ATP7A: variants seen among roughly 807,000 people sequenced by gnomAD.
ATP7A encodes the protein ATPase copper transporting alpha, also known as copper-transporting ATPase 1.
ATP7A carries 7 observed loss-of-function variants against 83.5 expected under a neutral mutation model. The observed-to-expected ratio is 0.08, with a 90% CI of 0.05 to 0.16. The LOEUF is 0.16. Among genes scored for constraint, ATP7A ranks in the 10% least tolerant of loss-of-function variants. The pLI, the probability that ATP7A is intolerant of heterozygous loss-of-function variation, is 1.00. For synonymous variants in ATP7A, 354 were observed against 395.2 expected (o/e 0.90, Z 1.24); for missense variants, 940 against 1,120.8 (o/e 0.84, Z 2.30).
At chrX:77,917,888 C>T (rs1557222699) in intron 1 of ATP7A, among the ~76,000 whole-genome samples, 4 of 111,643 alleles carry the variant, frequency 3.6e-5, no homozygotes. Flanking sequence ...TCAACTTGGT[C>T]AGAAGCTTAT....
At chrX:77,948,640 G>T (rs1473993769) in intron 1 of ATP7A, among the ~76,000 whole-genome samples, 3 of 111,282 alleles carry the variant, frequency 2.7e-5, no homozygotes, top group Non-Finnish European at 5.6e-5. Context: ...TGCAGCCATG[G>T]CTTTATAGGG....
intron 11 of ATP7A, 93 bp from the exon 12 acceptor site, chrX:78,015,661 G>T: frequency 9.0e-7 from 1 of 1,111,394 alleles, no homozygotes; most frequent in African/African-American, 1.8e-5. Flanking sequence ...TAATTATGGA[G>T]CCACAAGCTT....
rs17218310 is a variant in ATP7A, at chrX:78,045,620, A to G, written c.4226+48A>G. The G allele has an allele frequency of 0.022, 22,590 of 1,038,037 alleles. 221 individuals are homozygous for G. The highest frequency in any genetic ancestry group is 0.027 in the Non-Finnish European group (19,785 of 740,419). 85.5% of individuals were successfully genotyped at this position (1,038,037 alleles called of 1,213,427 possible). On this transcript the variant is annotated intron_variant, in intron 22 of 22. Coordinates refer to ENST00000341514, the MANE Select transcript of ATP7A (RefSeq NM_000052.7). ...ATTTGTATTTTGTATTCCTGTTATCATCTAGTCATTCTTGGTAGGTTTTAT... is the reference window on the plus strand; with the variant it reads ...ATTTGTATTTTGTATTCCTGTTATCGTCTAGTCATTCTTGGTAGGTTTTAT...
intron 17 of ATP7A, among the ~76,000 whole-genome samples, chrX:78,035,828 C>G (rs1465668352): frequency 8.9e-6 from 1 of 112,142 alleles, no homozygotes; most frequent in Non-Finnish European, 1.9e-5. Context: ...GCTTATATCT[C>G]TCTCTTCAGT....
chrX:77,941,891 C>G (rs181772417), intron 1 of ATP7A, among the ~76,000 whole-genome samples: 1 of 111,864 alleles, frequency 8.9e-6, no homozygotes, highest in East Asian at 2.8e-4. Context: ...CATTCCTTTG[C>G]TTATTAATTA....
intron 16 of ATP7A, among the ~76,000 whole-genome samples, chrX:78,033,204 A>G (rs1211363428): frequency 8.9e-6 from 1 of 112,047 alleles, no homozygotes; most frequent in Non-Finnish European, 1.9e-5. Flanking sequence ...TCCTGAGTTC[A>G]AGTGATTCTC....
At position 78,018,950 on chromosome X, in the gene ATP7A, G is replaced by A. The variant is rs1377776673; in HGVS notation, c.2627-1294G>A. Among the ~76,000 whole-genome samples, 3 of 111,205 alleles carry A rather than the reference G, an allele frequency of 2.7e-5. No individual in the cohort carries two copies. The Admixed American group carries it at 2.9e-4, about 11-fold the overall frequency. On this transcript the variant is annotated intron_variant, in intron 12 of 22. Transcript: ENST00000341514. ...TCTCGTGAAAACTCACTCATCACAA[G>A]AACAGCATAGGGGAAATGCCCCCAC...
At chrX:77,941,634 A>T (rs2077351615) in intron 1 of ATP7A, among the ~76,000 whole-genome samples, 1 of 111,973 alleles carries the variant, frequency 8.9e-6, no homozygotes, top group Non-Finnish European at 1.9e-5. Context: ...TGTGTAAAGA[A>T]GAAAAAATAG....
chrX:78,011,968 G>A (rs1210575616), intron 9 of ATP7A, among the ~76,000 whole-genome samples: 1 of 107,233 alleles, frequency 9.3e-6, no homozygotes, highest in Admixed American at 1.0e-4. Context: ...TTTAGAGATG[G>A]GGTTTTGCTC....
At chrX:77,991,762 C>A (rs948892185) in intron 4 of ATP7A, among the ~76,000 whole-genome samples, 6 of 110,683 alleles carry the variant, frequency 5.4e-5, no homozygotes, top group African/African-American at 2.0e-4. Context: ...TAGCTCACAA[C>A]TGTAATCCTA....
At chrX:77,960,746 TCA>T (rs782097566) in intron 1 of ATP7A, among the ~76,000 whole-genome samples, 1 of 111,982 alleles carries the variant, frequency 8.9e-6, no homozygotes, top group Non-Finnish European at 1.9e-5. Flanking sequence ...GTTATTTCCC[TCA>T]GTGTTGTTGG....
intron 6 of ATP7A, among the ~76,000 whole-genome samples, chrX:78,004,487 G>T (rs781787319): frequency 8.9e-6 from 1 of 112,181 alleles, no homozygotes; most frequent in Non-Finnish European, 1.9e-5. Flanking sequence ...GGTGGCTCAC[G>T]CCTGTAATCT....
chrX:78,020,922 A>G (rs2077901524), intron 13 of ATP7A, 23 bp from the exon 14 acceptor site: 2 of 1,192,872 alleles, frequency 1.7e-6, no homozygotes, highest in Admixed American at 2.2e-5. Flanking sequence ...TCTTCTTATT[A>G]TTGTTGTTAT....
At chrX:77,924,233 T>C (rs377679871) in intron 1 of ATP7A, 1 of 112,216 alleles carries the variant, frequency 8.9e-6, no homozygotes, top group East Asian at 2.8e-4. Context: ...CTGCAAATTA[T>C]GATGAATTTA....
intron 1 of ATP7A, among the ~76,000 whole-genome samples, chrX:77,934,139 C>T (rs1032525453): frequency 2.7e-5 from 3 of 111,689 alleles, no homozygotes; most frequent in African/African-American, 9.8e-5. Context: ...CTAGGCCAGG[C>T]GTGATGGCTC....
At chrX:77,958,924 G>A (rs1324942946) in intron 1 of ATP7A, among the ~76,000 whole-genome samples, 1 of 108,287 alleles carries the variant, frequency 9.2e-6, no homozygotes, top group Non-Finnish European at 1.9e-5. Context: ...AAGTAGCTAG[G>A]ATTACAGGTG....
At chrX:77,950,932 G>T in intron 1 of ATP7A, among the ~76,000 whole-genome samples, 1 of 110,486 alleles carries the variant, frequency 9.1e-6, no homozygotes, top group African/African-American at 3.3e-5. Context: ...TGAGGCAGGA[G>T]AATCACTTGA....
At chrX:77,945,956 A>C (rs1306376007) in intron 1 of ATP7A, among the ~76,000 whole-genome samples, 2 of 111,313 alleles carry the variant, frequency 1.8e-5, no homozygotes, top group Admixed American at 9.6e-5. Context: ...ATATGCGGTA[A>C]TGCTTTTTTC....
intron 1 of ATP7A, chrX:77,923,850 A>G (rs1326959193): frequency 9.0e-6 from 1 of 111,613 alleles, no homozygotes; most frequent in Non-Finnish European, 1.9e-5. Context: ...CAAAAGAAAA[A>G]AGGCAGATAG....
Sources: gnomAD v4.1 joint callset for allele counts (sites outside exome capture counted in the v4.1 genomes callset) on GRCh38, gnomAD v4.1.1 for gene constraint, MANE v1.5 for transcripts, NCBI Gene and HGNC (gene_info 2026-07-23, HGNC 2026-07-21) for gene names.